The following XG variants were observed in gnomAD, a reference collection of about 807,000 sequenced individuals.
XG encodes the protein glycoprotein Xg.
A neutral mutation model predicts 25.7 loss-of-function variants in XG; 24 were observed. That is an observed-to-expected ratio of 0.93 (90% confidence interval 0.68 to 1.31). The LOEUF is 1.31. XG is among the 40% of genes most tolerant of loss of function. The pLI, the probability that XG is intolerant of heterozygous loss-of-function variation, is 0.00. For missense variants in XG, 181 were observed against 187.6 expected (o/e 0.96, Z 0.21); for synonymous variants, 77 against 69.2 (o/e 1.11, Z -0.56).
At chrX:2,810,928 GAAATAAAT>G (rs146387414) in intron 9 of XG, among the ~76,000 whole-genome samples, 17,075 of 101,009 alleles carry the variant, frequency 0.17, 1,807 homozygotes, top group African/African-American at 0.39. Context: ...AAAATAATAA[GAAATAAAT>G]AAATAAATAA....
chrX:2,804,080 C>T (rs990219866), intron 7 of XG, among the ~76,000 whole-genome samples: 4 of 112,122 alleles, frequency 3.6e-5, no homozygotes, highest in Admixed American at 9.4e-5. Context: ...TGACCTGAGG[C>T]GATCCACCCT....
At chrX:2,798,305 G>A (rs311187) in intron 7 of XG, among the ~76,000 whole-genome samples, 9,743 of 107,274 alleles carry the variant, frequency 0.091, 992 homozygotes, top group African/African-American at 0.3. Flanking sequence ...CATCATCTCC[G>A]TTTTAACATT....
At chrX:2,774,886 TGTG>T in intron 3 of XG, 147 bp downstream of exon 3, 2 of 1,059,702 alleles carry the variant, frequency 1.9e-6, no homozygotes, top group Non-Finnish European at 2.9e-6. Flanking sequence ...GAAAGCAAAA[TGTG>T]GTGATTAGGG....
At chrX:2,756,415 A>G (rs2050436285) in intron 1 of XG, among the ~76,000 whole-genome samples, 2 of 152,210 alleles carry the variant, frequency 1.3e-5, no homozygotes, top group African/African-American at 4.8e-5. Flanking sequence ...AGTTTACAAT[A>G]ATCTATTGTA....
chrX:2,807,200 G>A (rs1603457970), intron 8 of XG, among the ~76,000 whole-genome samples: 1 of 113,080 alleles, frequency 8.8e-6, no homozygotes, highest in African/African-American at 3.2e-5. Flanking sequence ...GCATGTACTT[G>A]TGGATTTTGC....
intron 1 of XG, among the ~76,000 whole-genome samples, chrX:2,762,485 C>G (rs1469907598): frequency 2.0e-5 from 3 of 151,990 alleles, no homozygotes; most frequent in Non-Finnish European, 4.4e-5. Context: ...GTGTCTGCAG[C>G]CCCGGTGAGC....
rs1256376567 is a variant in XG, at chrX:2,815,958, A to G, written c.*1578A>G. ...TTTGATTATTGAATAGTTTTTTTCT[A>G]TATTTCACAAATAAATTGTATGAAA... On this transcript the variant is annotated 3_prime_UTR_variant, in exon 11 of 11. Coordinates refer to ENST00000644266, the MANE Select transcript of XG (RefSeq NM_001141919.2). 8.9e-6 allele frequency: 1 copy of G among 112,371 alleles called. No homozygotes were observed. Among genetic ancestry groups the G allele is most frequent in the African/African-American group, 3.2e-5 (1 of 30,972 alleles). 9.3% of individuals were successfully genotyped at this position (112,371 alleles called of 1,213,427 possible).
rs1291380937 is a variant in XG at position 2,794,586 on chromosome X, G to A, written c.305G>A (p.Arg102Lys). The A allele has an allele frequency of 8.3e-7, 1 of 1,210,037 alleles. No homozygotes were observed. Reference sequence around the variant, plus strand: ...GACGGACGCTACCCGCCCAGGCCCAGGCCACGGCCGCCTGCAGGTAGGTGC... The same window carrying A: ...GACGGACGCTACCCGCCCAGGCCCAAGCCACGGCCGCCTGCAGGTAGGTGC... ...RDDGRYPPRP[R>K]PRPPAGGGGG... The change falls in exon 6 of 11, where the codon AGG (arginine) becomes AAG (lysine). Residue 102 changes from arginine to lysine, a missense_variant. Arg to Lys is a conservative substitution (Grantham distance 26, BLOSUM62 2). Transcript: ENST00000644266.
rs569297203 is a variant in XG at position 2,756,417 on chromosome X, T to C, written c.61+4082T>C. On this transcript the variant is annotated intron_variant, in intron 1 of 10. Transcript: ENST00000644266. Reference sequence around the variant, plus strand: ...GTAGGGTGACTTTAGTTTACAATAATCTATTGTAGACTTCAAAATAGAAGA... The same window carrying C: ...GTAGGGTGACTTTAGTTTACAATAACCTATTGTAGACTTCAAAATAGAAGA... Among the ~76,000 whole-genome samples, 7 of 152,298 alleles carry C rather than the reference T, an allele frequency of 4.6e-5. No homozygotes were observed. The South Asian group carries it at 1.5e-3, about 32-fold the overall frequency.
intron 1 of XG, among the ~76,000 whole-genome samples, chrX:2,765,124 G>A (rs312224): frequency 0.27 from 40,753 of 149,402 alleles, 6,039 homozygotes; most frequent in Non-Finnish European, 0.34. Context: ...AAGGTGGGTG[G>A]ATCACGAGGT....
chrX:2,761,858 G>T (rs2050572893), intron 1 of XG, among the ~76,000 whole-genome samples: 2 of 152,218 alleles, frequency 1.3e-5, no homozygotes, highest in African/African-American at 4.8e-5. Context: ...CAGCTTCCAG[G>T]ACTGTGGGAG....
Position 2,795,050 on chromosome X carries a change from G to C in XG, c.322+447G>C, listed in dbSNP as rs1039124167. ...AATGCATCTACATATGTAGGTATAT[G>C]GTTTTTTTCATGTGTGTATATACAT... On this transcript the variant is annotated intron_variant, in intron 6 of 10. Coordinates refer to ENST00000644266, the MANE Select transcript of XG (RefSeq NM_001141919.2). Among the ~76,000 whole-genome samples, 99 of 109,190 alleles carry C rather than the reference G, an allele frequency of 9.1e-4. 1 individual carries two copies. Among genetic ancestry groups the C allele is most frequent in the African/African-American group, 3.1e-3 (93 of 30,102 alleles). The allele number at this position is 109,190 out of a possible 115,157, so 94.8% of individuals were successfully genotyped here. A position where few individuals can be genotyped will look rare whatever the true frequency, so the allele number is the denominator to read the frequency against.
chrX:2,773,599 GA>G (rs1338985598), intron 2 of XG, among the ~76,000 whole-genome samples: 2 of 49,070 alleles, frequency 4.1e-5, no homozygotes, highest in South Asian at 9.7e-4. Flanking sequence ...AGGAAGGAGA[GA>G]AGGAAGGAAG....
intron 3 of XG, among the ~76,000 whole-genome samples, chrX:2,780,422 TTC>T (rs2051093382): frequency 7.9e-6 from 1 of 126,832 alleles, no homozygotes. Context: ...TTTTTTTTTT[TTC>T]TAAAAAAAAA....
intron 1 of XG, chrX:2,752,986 T>C: frequency 1.0e-6 from 1 of 985,322 alleles, no homozygotes; most frequent in South Asian, 4.7e-5. Flanking sequence ...AGTACAGGAT[T>C]TGAACAACGG....
intron 4 of XG, among the ~76,000 whole-genome samples, chrX:2,783,805 T>C (rs1184014768): frequency 2.7e-5 from 3 of 112,165 alleles, no homozygotes; most frequent in African/African-American, 9.7e-5. Context: ...CGAAACCCTG[T>C]CTCTACCAAA....
Position 2,782,081 on chromosome X carries a change from C to T in XG, c.143C>T (p.Pro48Leu), listed in dbSNP as rs376745839. The change falls in exon 4 of 11, where the codon CCA becomes CTA. Residue 48 changes from proline to leucine, a missense_variant. Transcript: ENST00000644266. The part of the protein sequence containing the change: ...KKPNSDIYPK[P>L]KPPYYPQPEN... ...TCCTCCACAGATATCTACCCAAAGCCAAAACCACCTTACTACCCACAGCCC... is the reference window on the plus strand; with the variant it reads ...TCCTCCACAGATATCTACCCAAAGCTAAAACCACCTTACTACCCACAGCCC... The T allele has an allele frequency of 2.1e-5, 26 of 1,209,882 alleles. No homozygotes were observed. Among genetic ancestry groups the T allele is most frequent in the African/African-American group, 1.8e-4 (10 of 57,136 alleles).
At chrX:2,756,294 C>A (rs962255037) in intron 1 of XG, among the ~76,000 whole-genome samples, 9 of 151,954 alleles carry the variant, frequency 5.9e-5, no homozygotes, top group African/African-American at 2.2e-4. Flanking sequence ...GAAGTGGAAA[C>A]CCCAAAGGGC....
At chrX:2,779,209 G>T (rs1477529355) in intron 3 of XG, among the ~76,000 whole-genome samples, 1 of 150,678 alleles carries the variant, frequency 6.6e-6, no homozygotes, top group Non-Finnish European at 1.5e-5. Context: ...GCATAACCAC[G>T]CCCATAGTCC....
Sources: allele counts gnomAD v4.1 joint callset (sites outside exome capture counted in the v4.1 genomes callset), GRCh38; gene constraint gnomAD v4.1.1; transcripts MANE v1.5; gene names NCBI Gene and HGNC (gene_info 2026-07-23, HGNC 2026-07-21).